The following CIMAP1D variants were observed in gnomAD, a reference collection of about 807,000 sequenced individuals.
CIMAP1D encodes CIMAP1 family member D.
At chr19:479,241 G>C in the CIMAP1D span, among the ~76,000 whole-genome samples, 1 of 152,150 alleles carries the variant, frequency 6.6e-6, no homozygotes, top group African/African-American at 2.4e-5. Context: ...ATTGAAGCCC[G>C]TCAGTAACAA....
At chr19:476,163 T>A in the CIMAP1D span, among the ~76,000 whole-genome samples, 1 of 151,792 alleles carries the variant, frequency 6.6e-6, no homozygotes, top group Non-Finnish European at 1.5e-5. Flanking sequence ...CACGTCTAGC[T>A]AATTTTTTTG....
At chr19:473,717 A>G in the CIMAP1D span, among the ~76,000 whole-genome samples, 1 of 131,212 alleles carries the variant, frequency 7.6e-6, no homozygotes, top group African/African-American at 3.2e-5. Context: ...AGGCCCAGGC[A>G]GAGATACACG....
chr19:478,457 G>A, the CIMAP1D span, among the ~76,000 whole-genome samples: 9 of 107,570 alleles, frequency 8.4e-5, no homozygotes, highest in African/African-American at 4.7e-4. Flanking sequence ...CGGCCAAGCC[G>A]ACAGCATGTT....
At chr19:467,555 T>TC in the CIMAP1D span, 1 of 855,366 alleles carries the variant, frequency 1.2e-6, no homozygotes, top group East Asian at 2.4e-5. Flanking sequence ...TTCTAAGAAC[T>TC]CCAAGGATAA....
chr19:484,335 T>G, the CIMAP1D span, among the ~76,000 whole-genome samples: 7 of 152,078 alleles, frequency 4.6e-5, no homozygotes, highest in African/African-American at 9.7e-5. Context: ...GAGACGGGGT[T>G]TCTCCATGTT....
At chr19:484,653 G>C in the CIMAP1D span, among the ~76,000 whole-genome samples, 2 of 152,222 alleles carry the variant, frequency 1.3e-5, no homozygotes, top group Non-Finnish European at 2.9e-5. Context: ...GGGTGTCTGG[G>C]GAGGGCACCG....
chr19:483,564 C>T, the CIMAP1D span, among the ~76,000 whole-genome samples: 2 of 152,190 alleles, frequency 1.3e-5, no homozygotes, highest in Non-Finnish European at 2.9e-5. Context: ...CCAGGGGACG[C>T]TGGGCAGTGT....
At chr19:475,906 T>G in the CIMAP1D span, among the ~76,000 whole-genome samples, 1 of 150,834 alleles carries the variant, frequency 6.6e-6, no homozygotes, top group South Asian at 2.1e-4. Flanking sequence ...CCTGAGTAGC[T>G]GAGATTACAG....
chr19:478,965 G>A, the CIMAP1D span, among the ~76,000 whole-genome samples: 4 of 152,224 alleles, frequency 2.6e-5, no homozygotes, highest in Admixed American at 6.5e-5. Flanking sequence ...CTTTCCCTTG[G>A]AGACAGGCAG....
the CIMAP1D span, among the ~76,000 whole-genome samples, chr19:465,136 T>G: frequency 3.1e-5 from 3 of 96,646 alleles, no homozygotes; most frequent in African/African-American, 5.1e-5. Context: ...GATGAGTGGA[T>G]GGATGGATGG....
At chr19:491,536 G>A in the CIMAP1D span, among the ~76,000 whole-genome samples, 2 of 152,034 alleles carry the variant, frequency 1.3e-5, no homozygotes, top group Non-Finnish European at 2.9e-5. Flanking sequence ...CGTGGAAGCT[G>A]GGGTGAGCCT....
chr19:464,361 G>A, the CIMAP1D span: 12 of 1,531,198 alleles, frequency 7.8e-6, no homozygotes, highest in South Asian at 4.8e-5. Context: ...CGTCACCTCC[G>A]GACCTGAGAG....
At chr19:468,376 A>G in the CIMAP1D span, among the ~76,000 whole-genome samples, 2 of 151,998 alleles carry the variant, frequency 1.3e-5, no homozygotes, top group African/African-American at 4.8e-5. Context: ...AAAAGAAAAA[A>G]AAAACTGCAC....
chr19:478,553 C>A, the CIMAP1D span, among the ~76,000 whole-genome samples: 14 of 152,266 alleles, frequency 9.2e-5, no homozygotes, highest in Non-Finnish European at 1.5e-5. Flanking sequence ...CTGATCGCAC[C>A]AGATTCTATC....
chr19:482,957 G>A, the CIMAP1D span, among the ~76,000 whole-genome samples: 2 of 152,180 alleles, frequency 1.3e-5, no homozygotes, highest in South Asian at 4.1e-4. Context: ...AGGGTTTCTG[G>A]ATTAGACACT....
the CIMAP1D span, among the ~76,000 whole-genome samples, chr19:487,839 T>C: frequency 6.6e-6 from 1 of 152,128 alleles, no homozygotes; most frequent in Non-Finnish European, 1.5e-5. Context: ...AGAAATGAAA[T>C]CCACAGGCAG....
chr19:467,879 A>C, the CIMAP1D span: 7 of 648,068 alleles, frequency 1.1e-5, 1 homozygote, highest in Non-Finnish European at 1.9e-5. Context: ...AGGCCACCCC[A>C]GTCCCATCTC....
the CIMAP1D span, among the ~76,000 whole-genome samples, chr19:471,812 G>C: frequency 6.6e-6 from 1 of 151,608 alleles, no homozygotes; most frequent in African/African-American, 2.4e-5. Context: ...GCGCCATCTC[G>C]GCTCACCGCA....
chr19:484,226 T>C, the CIMAP1D span, among the ~76,000 whole-genome samples: 6 of 149,832 alleles, frequency 4.0e-5, no homozygotes, highest in South Asian at 2.1e-4. Context: ...CCACAATCTC[T>C]GCCTCCCGGG....
Sources: gnomAD v4.1 joint callset for allele counts (sites outside exome capture counted in the v4.1 genomes callset) on GRCh38, gnomAD v4.1.1 for gene constraint, MANE v1.5 for transcripts, NCBI Gene and HGNC (gene_info 2026-07-23, HGNC 2026-07-21) for gene names.